Variants in SUCLG2 observed in about 807,000 individuals in gnomAD.
SUCLG2 encodes the protein succinate-CoA ligase GDP-forming subunit beta.
In SUCLG2, 42 loss-of-function variants were observed where a neutral mutation model predicts 47.9. That is an observed-to-expected ratio of 0.88 (90% CI 0.69 to 1.14). The LOEUF is 1.14. Among genes scored for constraint, SUCLG2 ranks in the 50% most tolerant of loss-of-function variants. SUCLG2 has a pLI of 0.00. For missense variants in SUCLG2, 571 were observed against 525.9 expected (o/e 1.09, Z -0.84); for synonymous variants, 195 against 197.3 (o/e 0.99, Z 0.10).
chr3:67,408,793 A>G, intron 9 of SUCLG2: 1 of 1,346,316 alleles, frequency 7.4e-7, no homozygotes, highest in Non-Finnish European at 9.5e-7. Context: ...TCCCTGGTAA[A>G]TAAACTCAAT....
intron 9 of SUCLG2, among the ~76,000 whole-genome samples, chr3:67,442,965 G>T (rs1361861086): frequency 6.6e-6 from 1 of 151,998 alleles, no homozygotes; most frequent in Non-Finnish European, 1.5e-5. Flanking sequence ...CTACATCCAT[G>T]GATTCAACTA....
At chr3:67,512,721 C>A (rs1705829745) in intron 6 of SUCLG2, among the ~76,000 whole-genome samples, 1 of 150,968 alleles carries the variant, frequency 6.6e-6, no homozygotes, top group South Asian at 2.1e-4. Flanking sequence ...CATTGCTGTG[C>A]AACCAATTCC....
intron 9 of SUCLG2, among the ~76,000 whole-genome samples, chr3:67,431,147 A>AC (rs145122773): frequency 2.8e-3 from 432 of 152,012 alleles, no homozygotes; most frequent in Non-Finnish European, 4.0e-3. Context: ...AGACACAACA[A>AC]AAAAAAAGAG....
At chr3:67,401,984 C>A (rs67378909) in intron 9 of SUCLG2, among the ~76,000 whole-genome samples, 13,353 of 152,206 alleles carry the variant, frequency 0.088, 678 homozygotes, top group East Asian at 0.15. Flanking sequence ...GGCTCTCTAG[C>A]TGAGAAAGCC....
chr3:67,429,955 C>T (rs2106881975), intron 9 of SUCLG2, among the ~76,000 whole-genome samples: 1 of 152,172 alleles, frequency 6.6e-6, no homozygotes, highest in African/African-American at 2.4e-5. Flanking sequence ...TAAAGCAAGT[C>T]CTTAGAGACC....
At chr3:67,392,061 G>T (rs1158990422) in intron 10 of SUCLG2, among the ~76,000 whole-genome samples, 1 of 152,038 alleles carries the variant, frequency 6.6e-6, no homozygotes, top group East Asian at 1.9e-4. Flanking sequence ...GAGTCTCATT[G>T]TCCTTTCTCT....
chr3:67,540,383 A>G (rs999103774), intron 2 of SUCLG2, among the ~76,000 whole-genome samples: 1 of 151,988 alleles, frequency 6.6e-6, no homozygotes, highest in East Asian at 2.0e-4. Context: ...GCCATTACTG[A>G]GGCTTGAGTA....
Position 67,544,493 on chromosome 3 carries a change from T to G in SUCLG2, c.227-15307A>C, listed in dbSNP as rs1038643130. On this transcript the variant is annotated intron_variant, in intron 2 of 10. Transcript: ENST00000307227. ...AGAAAGTGCTTGCTTCCCCTTCGCC[T>G]TCCACCATGATTGTAAGTTTCCTGA... Among the ~76,000 whole-genome samples, 5 of 152,168 alleles carry G rather than the reference T, an allele frequency of 3.3e-5. No individual in the cohort carries two copies. In the South Asian group the frequency reaches 1.0e-3, roughly 32 times the overall value.
intron 2 of SUCLG2, among the ~76,000 whole-genome samples, chr3:67,541,570 G>C (rs1706713166): frequency 6.6e-6 from 1 of 152,170 alleles, no homozygotes; most frequent in South Asian, 2.1e-4. Flanking sequence ...AGGGAGAATG[G>C]AACCAAGTTG....
At chr3:67,452,506 T>C (rs1704079347) in intron 9 of SUCLG2, among the ~76,000 whole-genome samples, 1 of 152,234 alleles carries the variant, frequency 6.6e-6, no homozygotes, top group South Asian at 2.1e-4. Context: ...AGAATACTTT[T>C]ACTTCTATTA....
At chr3:67,554,374 A>G (rs1707100571) in intron 2 of SUCLG2, among the ~76,000 whole-genome samples, 1 of 152,164 alleles carries the variant, frequency 6.6e-6, no homozygotes, top group Non-Finnish European at 1.5e-5. Flanking sequence ...TAATTGCCTG[A>G]GAACCTTGAT....
At chr3:67,463,280 T>A (rs1704383964) in intron 9 of SUCLG2, among the ~76,000 whole-genome samples, 1 of 152,126 alleles carries the variant, frequency 6.6e-6, no homozygotes, top group African/African-American at 2.4e-5. Flanking sequence ...ACACACAGAG[T>A]ACCCTCACCA....
At chr3:67,641,851 A>G (rs1317513002) in intron 1 of SUCLG2, among the ~76,000 whole-genome samples, 1 of 152,134 alleles carries the variant, frequency 6.6e-6, no homozygotes, top group African/African-American at 2.4e-5. Context: ...GTGAGGGAGA[A>G]TCTGGTCCAT....
At chr3:67,516,196 C>G (rs546715317) in intron 6 of SUCLG2, among the ~76,000 whole-genome samples, 2 of 152,192 alleles carry the variant, frequency 1.3e-5, no homozygotes, top group South Asian at 4.1e-4. Context: ...AAGAAAAAAA[C>G]AAATTAAAAC....
chr3:67,601,452 A>T (rs569162675), intron 2 of SUCLG2, among the ~76,000 whole-genome samples: 2 of 152,326 alleles, frequency 1.3e-5, no homozygotes, highest in East Asian at 3.9e-4. Context: ...ATCCACCCAG[A>T]CAGAGCGATC....
At chr3:67,540,655 T>G (rs1706678794) in intron 2 of SUCLG2, among the ~76,000 whole-genome samples, 1 of 152,232 alleles carries the variant, frequency 6.6e-6, no homozygotes, top group South Asian at 2.1e-4. Flanking sequence ...CTCCCGGCTC[T>G]GAATAGAGCA....
At chr3:67,463,654 C>T (rs984595803) in intron 9 of SUCLG2, among the ~76,000 whole-genome samples, 1 of 152,198 alleles carries the variant, frequency 6.6e-6, no homozygotes, top group African/African-American at 2.4e-5. Context: ...TGTTCTCTCT[C>T]AAGAGTTCCT....
At chr3:67,640,607 T>C (rs1219781064) in intron 1 of SUCLG2, among the ~76,000 whole-genome samples, 1 of 152,216 alleles carries the variant, frequency 6.6e-6, no homozygotes, top group Non-Finnish European at 1.5e-5. Context: ...CCAAAACTCG[T>C]TGAGCATTCC....
chr3:67,631,954 A>G (rs756729681), intron 1 of SUCLG2, among the ~76,000 whole-genome samples: 1 of 152,248 alleles, frequency 6.6e-6, no homozygotes, highest in Non-Finnish European at 1.5e-5. Flanking sequence ...TAGCAGACAA[A>G]TAATAATGGT....
Sources: allele counts gnomAD v4.1 joint callset (sites outside exome capture counted in the v4.1 genomes callset), GRCh38; gene constraint gnomAD v4.1.1; transcripts MANE v1.5; gene names NCBI Gene and HGNC (gene_info 2026-07-23, HGNC 2026-07-21).